Variants in MTNR1B observed in about 807,000 individuals in gnomAD.
The protein encoded by MTNR1B is melatonin receptor type 1B.
MTNR1B carries 7 observed loss-of-function variants against 7.0 expected under a neutral mutation model. The ratio of observed to expected loss-of-function variants is 1.00; its 90% CI spans 0.57 to 1.88. The LOEUF is 1.88. Among genes scored for constraint, MTNR1B ranks in the 40% most tolerant of loss-of-function variants. The pLI is 0.00. For synonymous variants in MTNR1B, 226 were observed against 208.2 expected, an observed-to-expected ratio of 1.09 and a Z score of -0.74; for missense variants, 478 against 486.5, an observed-to-expected ratio of 0.98 and a Z score of 0.16.
intron 1 of MTNR1B, among the ~76,000 whole-genome samples, chr11:92,980,418 T>C (rs988287099): frequency 4.6e-5 from 7 of 152,210 alleles, no homozygotes; most frequent in African/African-American, 1.7e-4. Flanking sequence ...GAGCTTTGTA[T>C]TGCCCAAACG....
chr11:92,984,378 T>C (rs1858165293), downstream of MTNR1B, among the ~76,000 whole-genome samples: 1 of 152,202 alleles, frequency 6.6e-6, no homozygotes, highest in Admixed American at 6.5e-5. Context: ...GTCTTAGTCC[T>C]GATGATGGCA....
chr11:92,982,271 C>T lies in MTNR1B; in HGVS notation c.1048C>T (p.Pro350Ser). The T allele has an allele frequency of 6.2e-7, 1 of 1,614,070 alleles. No individual in the cohort carries two copies. Among genetic ancestry groups the T allele is most frequent in the Non-Finnish European group, 8.5e-7 (1 of 1,180,002 alleles). The change falls in exon 2 of 2, where the codon CCA becomes TCA. Residue 350 changes from proline (P) to serine (S), a missense_variant. Transcript: ENST00000257068. ...CGCGGAGGGGCTGCAGAGCCCAGCT[C>T]CACCCATCATTGGTGTGCAGCACCA... The part of the protein sequence containing the change: ...SHAEGLQSPA[P>S]PIIGVQHQAD...
chr11:92,978,625 A>T (rs952021874), intron 1 of MTNR1B, among the ~76,000 whole-genome samples: 1 of 152,226 alleles, frequency 6.6e-6, no homozygotes, highest in Non-Finnish European at 1.5e-5. Context: ...CACAAATTTT[A>T]TTCATCTAAT....
At chr11:92,978,159 A>G (rs1481334464) in intron 1 of MTNR1B, among the ~76,000 whole-genome samples, 1 of 152,174 alleles carries the variant, frequency 6.6e-6, no homozygotes, top group African/African-American at 2.4e-5. Flanking sequence ...GGAGGGGGGC[A>G]AGGGTTACAG....
chr11:92,973,711 A>G lies in MTNR1B; in HGVS notation c.223+3763A>G, dbSNP rs553832047. ...AAGATACCTGTGCCCTCCCCAGTACAGCATCCCCCTCACTGTACTATTGTT... is the reference window on the plus strand; with the variant it reads ...AAGATACCTGTGCCCTCCCCAGTACGGCATCCCCCTCACTGTACTATTGTT... On this transcript the variant is annotated intron_variant, in intron 1 of 1. Transcript: ENST00000257068. 2.0e-5 allele frequency among the ~76,000 whole-genome samples: 3 copies of G among 152,332 alleles called. No homozygotes were observed. In the East Asian group the frequency reaches 5.8e-4, roughly 29 times the overall value.
At chr11:92,984,550 C>A (rs936638559), downstream of MTNR1B, among the ~76,000 whole-genome samples, 1 of 152,178 alleles carries the variant, frequency 6.6e-6, no homozygotes, top group Non-Finnish European at 1.5e-5. Context: ...TGCTTCCCCT[C>A]CCCCTAGACA....
chr11:92,971,565 T>G (rs923904945), intron 1 of MTNR1B, among the ~76,000 whole-genome samples: 1 of 152,174 alleles, frequency 6.6e-6, no homozygotes, highest in Non-Finnish European at 1.5e-5. Context: ...AACTCCTGGC[T>G]CTATGGGGGA....
intron 1 of MTNR1B, 38 bp downstream of exon 1, chr11:92,969,986 C>A: frequency 6.5e-7 from 1 of 1,547,644 alleles, no homozygotes; most frequent in Non-Finnish European, 8.7e-7. Context: ...TGGCATCGGG[C>A]CCTTCCTTGT....
intron 1 of MTNR1B, among the ~76,000 whole-genome samples, chr11:92,978,488 G>T (rs1476580135): frequency 6.6e-6 from 1 of 152,200 alleles, no homozygotes; most frequent in African/African-American, 2.4e-5. Context: ...TATGCACACG[G>T]TGACTGCAGT....
intron 1 of MTNR1B, among the ~76,000 whole-genome samples, chr11:92,974,566 G>A (rs1177257396): frequency 6.6e-6 from 1 of 151,960 alleles, no homozygotes; most frequent in African/African-American, 2.4e-5. Context: ...TCAGCCTCCT[G>A]AGTAGCTGGG....
intron 1 of MTNR1B, among the ~76,000 whole-genome samples, chr11:92,978,250 A>G (rs1044328967): frequency 6.6e-6 from 1 of 152,192 alleles, no homozygotes; most frequent in Non-Finnish European, 1.5e-5. Context: ...AGATTACCAG[A>G]TCTCCATTAA....
At chr11:92,970,026 T>C (rs1331880878) in intron 1 of MTNR1B, 78 bp downstream of exon 1, 2 of 1,396,058 alleles carry the variant, frequency 1.4e-6, no homozygotes, top group Non-Finnish European at 1.9e-6. Context: ...CCCCGGGATA[T>C]GCGCTGCCTT....
intron 1 of MTNR1B, among the ~76,000 whole-genome samples, chr11:92,974,670 C>T (rs994601008): frequency 6.6e-6 from 1 of 151,616 alleles, no homozygotes; most frequent in Non-Finnish European, 1.5e-5. Flanking sequence ...AGCGCAATCT[C>T]GGCTCACTGC....
Position 92,982,151 on chromosome 11 carries a change from C to T in MTNR1B, c.928C>T (p.Leu310Phe), listed in dbSNP as rs774359563. Residue 310 changes from leucine to phenylalanine, a missense_variant, in exon 2 of 2, where the codon CTC (leucine) becomes TTC (phenylalanine). By Grantham distance (22) the Leu-to-Phe change is conservative. Coordinates refer to ENST00000257068, the MANE Select transcript of MTNR1B (RefSeq NM_005959.5). ...CTGCCTGAATGCCATTGTCTATGGGCTCTTGAACCAAAACTTCCGCAGGGA... is the reference window on the plus strand; with the variant it reads ...CTGCCTGAATGCCATTGTCTATGGGTTCTTGAACCAAAACTTCCGCAGGGA... ...NSCLNAIVYG[L>F]LNQNFRREYK... The T allele has an allele frequency of 2.1e-5, 34 of 1,614,102 alleles. No homozygotes were observed. Among genetic ancestry groups the T allele is most frequent in the Admixed American group, 1.8e-4 (11 of 60,004 alleles).
Position 92,982,033 on chromosome 11 carries a change from C to G in MTNR1B, c.810C>G (p.Ile270Met). Reference sequence around the variant, plus strand: ...TCTGCTGGGCTCCACTTAACTGCATCGGCCTCGCTGTGGCCATCAACCCCC... The same window carrying G: ...TCTGCTGGGCTCCACTTAACTGCATGGGCCTCGCTGTGGCCATCAACCCCC... ...FAICWAPLNC[I>M]GLAVAINPQE... The change falls in exon 2 of 2, where the codon ATC (isoleucine) becomes ATG (methionine). Residue 270 changes from isoleucine to methionine, a missense_variant. Transcript: ENST00000257068. 1 of 1,614,210 alleles carries G rather than the reference C, an allele frequency of 6.2e-7. No homozygotes were observed. Among genetic ancestry groups the G allele is most frequent in the East Asian group, 2.2e-5 (1 of 44,872 alleles).
chr11:92,972,235 A>G (rs892718824), intron 1 of MTNR1B, among the ~76,000 whole-genome samples: 1 of 152,166 alleles, frequency 6.6e-6, no homozygotes, highest in Non-Finnish European at 1.5e-5. Flanking sequence ...TCCTTAAATC[A>G]TTGGTATTAA....
chr11:92,978,336 T>C (rs766938595), intron 1 of MTNR1B, among the ~76,000 whole-genome samples: 3 of 152,280 alleles, frequency 2.0e-5, no homozygotes, highest in East Asian at 1.9e-4. Flanking sequence ...TGTGAAAGGA[T>C]GCGCTCTGCG....
At chr11:92,978,136 G>A (rs886646059) in intron 1 of MTNR1B, among the ~76,000 whole-genome samples, 3 of 152,196 alleles carry the variant, frequency 2.0e-5, no homozygotes, top group African/African-American at 7.2e-5. Flanking sequence ...TGAGCATGGA[G>A]GGTGAGCACA....
Position 92,982,276 on chromosome 11 carries a change from C to T in MTNR1B, c.1053C>T (p.Pro351=), listed in dbSNP as rs755311645. The part of the protein sequence containing the change: ...HAEGLQSPAP[P]IIGVQHQADA... ...AGGGGCTGCAGAGCCCAGCTCCACC[C>T]ATCATTGGTGTGCAGCACCAGGCAG... The change falls in exon 2 of 2, where the codon CCC becomes CCT. Residue 351 remains proline (P), a synonymous_variant. Coordinates refer to ENST00000257068, the MANE Select transcript of MTNR1B (RefSeq NM_005959.5). 3 of 1,613,872 alleles carry T rather than the reference C, an allele frequency of 1.9e-6. No individual in the cohort carries two copies. The highest frequency in any genetic ancestry group is 1.7e-6 in the Non-Finnish European group (2 of 1,179,988).
Sources: gnomAD v4.1 joint callset for allele counts (sites outside exome capture counted in the v4.1 genomes callset) on GRCh38, gnomAD v4.1.1 for gene constraint, MANE v1.5 for transcripts, NCBI Gene and HGNC (gene_info 2026-07-23, HGNC 2026-07-21) for gene names.